Variants in CAB39 observed in about 807,000 individuals in gnomAD.
The protein encoded by CAB39 is calcium-binding protein 39.
CAB39 carries 8 observed loss-of-function variants against 40.0 expected under a neutral mutation model. The observed-to-expected ratio is 0.20, with a 90% confidence interval of 0.12 to 0.36. CAB39 has a LOEUF of 0.36. CAB39 is among the 10% of genes least tolerant of loss of function. CAB39 has a pLI of 1.00. For missense variants in CAB39, 270 were observed against 401.1 expected (o/e 0.67, Z 2.79); for synonymous variants, 156 against 141.6 (o/e 1.10, Z -0.72).
At chr2:230,784,235 C>A (rs1337554849) in intron 2 of CAB39, among the ~76,000 whole-genome samples, 2 of 152,092 alleles carry the variant, frequency 1.3e-5, no homozygotes, top group Non-Finnish European at 2.9e-5. Context: ...TCAGTGGTAT[C>A]ATTACATGAA....
chr2:230,732,032 G>A (rs1412885718), intron 1 of CAB39, among the ~76,000 whole-genome samples: 1 of 151,804 alleles, frequency 6.6e-6, no homozygotes, highest in Non-Finnish European at 1.5e-5. Context: ...CTGTCTTAGT[G>A]AGTGGTCAAA....
chr2:230,750,134 T>C (rs763557922), intron 1 of CAB39, among the ~76,000 whole-genome samples: 1 of 152,260 alleles, frequency 6.6e-6, no homozygotes, highest in Non-Finnish European at 1.5e-5. Context: ...TCTACAAATA[T>C]GTGCCATCTA....
At chr2:230,771,351 TA>T (rs1695480312) in intron 2 of CAB39, among the ~76,000 whole-genome samples, 1 of 152,114 alleles carries the variant, frequency 6.6e-6, no homozygotes, top group South Asian at 2.1e-4. Flanking sequence ...GCATTTAGAA[TA>T]GCATCAAAAA....
chr2:230,766,584 G>A (rs1695390122), intron 2 of CAB39, among the ~76,000 whole-genome samples: 1 of 152,190 alleles, frequency 6.6e-6, no homozygotes, highest in South Asian at 2.1e-4. Context: ...CACTTAGGCT[G>A]GAGTGCAGTG....
chr2:230,787,071 A>G (rs937937451), intron 2 of CAB39, among the ~76,000 whole-genome samples: 3 of 152,238 alleles, frequency 2.0e-5, no homozygotes, highest in Non-Finnish European at 4.4e-5. Flanking sequence ...TGTCATAGTC[A>G]GTAGATATTA....
intron 6 of CAB39, among the ~76,000 whole-genome samples, chr2:230,810,749 C>T (rs1481661530): frequency 6.6e-6 from 1 of 152,238 alleles, no homozygotes; most frequent in East Asian, 1.9e-4. Flanking sequence ...TCCTGCTCTA[C>T]TGCTCACTCC....
chr2:230,738,352 C>G (rs1694822013), intron 1 of CAB39, among the ~76,000 whole-genome samples: 1 of 152,138 alleles, frequency 6.6e-6, no homozygotes, highest in African/African-American at 2.4e-5. Context: ...TTTTTTCCTC[C>G]AAAAACACAA....
chr2:230,813,469 G>A (rs180850486), intron 6 of CAB39, among the ~76,000 whole-genome samples: 19 of 152,084 alleles, frequency 1.2e-4, no homozygotes, highest in African/African-American at 2.9e-4. Context: ...CCTCCCATCC[G>A]ACAGGTCTGA....
In CAB39 at chr2:230,775,241, C is replaced by CT. The variant is rs747348885; in HGVS notation, c.114+15139dup. 7.2e-3 allele frequency among the ~76,000 whole-genome samples: 1,031 copies of CT among 142,392 alleles called. 9 individuals carry two copies. The highest frequency in any genetic ancestry group is 0.02 in the African/African-American group (780 of 39,192). 93.4% of individuals were successfully genotyped at this position (142,392 alleles called of 152,430 possible). ...TAAGGCATTTCTTTTTTTCTTTTTTCTTTTTTTTTTTTTGAAACAGACTCT... is the reference window on the plus strand; with the variant it reads ...TAAGGCATTTCTTTTTTTCTTTTTTCTTTTTTTTTTTTTTGAAACAGACTCT... On this transcript the variant is annotated intron_variant, in intron 2 of 8. Coordinates refer to ENST00000258418, the MANE Select transcript of CAB39 (RefSeq NM_016289.4).
intron 1 of CAB39, among the ~76,000 whole-genome samples, chr2:230,732,166 C>T (rs1205632590): frequency 1.3e-5 from 2 of 152,014 alleles, no homozygotes; most frequent in Non-Finnish European, 2.9e-5. Context: ...ACTGCAAGCT[C>T]CGCCTCCCGG....
At chr2:230,785,886 C>T (rs1476512010) in intron 2 of CAB39, among the ~76,000 whole-genome samples, 2 of 151,234 alleles carry the variant, frequency 1.3e-5, no homozygotes, top group Non-Finnish European at 3.0e-5. Flanking sequence ...GAGTCTTGGC[C>T]GGGCGCGGTG....
chr2:230,768,782 A>G (rs1431792243), intron 2 of CAB39, among the ~76,000 whole-genome samples: 1 of 152,250 alleles, frequency 6.6e-6, no homozygotes, highest in Non-Finnish European at 1.5e-5. Flanking sequence ...CCATGTGTCA[A>G]AAAGAAACCA....
intron 1 of CAB39, among the ~76,000 whole-genome samples, chr2:230,748,603 C>T (rs1237682831): frequency 2.6e-5 from 4 of 151,628 alleles, no homozygotes; most frequent in African/African-American, 4.8e-5. Flanking sequence ...GCCAGGAGTT[C>T]GAGACCAGCC....
At chr2:230,772,068 T>G (rs1033241487) in intron 2 of CAB39, among the ~76,000 whole-genome samples, 1 of 152,124 alleles carries the variant, frequency 6.6e-6, no homozygotes, top group Non-Finnish European at 1.5e-5. Context: ...AAAAAAATGA[T>G]AAATGGAATT....
chr2:230,737,616 A>G lies in CAB39; in HGVS notation c.-43-22343A>G, dbSNP rs979733563. 2.0e-5 allele frequency among the ~76,000 whole-genome samples: 3 copies of G among 152,360 alleles called. No individual in the cohort carries two copies. The East Asian group carries it at 5.8e-4, about 29-fold the overall frequency. ...TTTAGTCCTCACATTAACTTGTGTT[A>G]GTAATATTCTTCTGCCAAAATAGTA... On this transcript the variant is annotated intron_variant, in intron 1 of 8. Coordinates refer to ENST00000258418, the MANE Select transcript of CAB39 (RefSeq NM_016289.4).
At chr2:230,809,375 A>T (rs2124979357) in intron 5 of CAB39, among the ~76,000 whole-genome samples, 1 of 152,316 alleles carries the variant, frequency 6.6e-6, no homozygotes, top group South Asian at 2.1e-4. Context: ...TGGTTGGGAG[A>T]AAGGCGATGA....
At chr2:230,801,337 C>T (rs1696086042) in intron 5 of CAB39, among the ~76,000 whole-genome samples, 2 of 152,236 alleles carry the variant, frequency 1.3e-5, no homozygotes, top group African/African-American at 4.8e-5. Context: ...AGCCTTACAG[C>T]TGCACACCAG....
intron 1 of CAB39, among the ~76,000 whole-genome samples, chr2:230,748,831 A>AAAAAAAATAT (rs1386799920): frequency 1.8e-4 from 5 of 28,508 alleles, no homozygotes; most frequent in Non-Finnish European, 2.5e-4. Context: ...AAAAAAAAAA[A>AAAAAAAATAT]ATATATATAT....
In CAB39 at chr2:230,810,243, A is replaced by ATTT; in HGVS notation, c.568-13_568-11dup. 2 of 1,263,482 alleles carry ATTT rather than the reference A, an allele frequency of 1.6e-6. No individual in the cohort carries two copies. Among genetic ancestry groups the ATTT allele is most frequent in the South Asian group, 1.4e-5 (1 of 72,238 alleles). 78.3% of individuals were successfully genotyped at this position (1,263,482 alleles called of 1,614,324 possible). On this transcript the variant is annotated intron_variant, in intron 5 of 8. Coordinates refer to ENST00000258418, the MANE Select transcript of CAB39 (RefSeq NM_016289.4). Reference sequence around the variant, plus strand: ...AAAACTTGGAGAACAACTGTAAACAATTTTTTTTTCTTTTTGTAGGATTTA... The same window carrying ATTT: ...AAAACTTGGAGAACAACTGTAAACAATTTTTTTTTTTTCTTTTTGTAGGATTTA...
Sources: allele counts gnomAD v4.1 joint callset (sites outside exome capture counted in the v4.1 genomes callset), GRCh38; gene constraint gnomAD v4.1.1; transcripts MANE v1.5; gene names NCBI Gene and HGNC (gene_info 2026-07-23, HGNC 2026-07-21).